RYR2: variants seen among roughly 807,000 people sequenced by gnomAD.
RYR2 encodes cardiac muscle ryanodine receptor-calcium release channel.
Under a neutral mutation model 601.1 loss-of-function variants are expected in RYR2, and 227 were observed. The observed-to-expected ratio is 0.38, with a 90% CI of 0.34 to 0.42. RYR2 has a LOEUF of 0.42. Among genes scored for constraint, RYR2 ranks in the 10% least tolerant of loss-of-function variants. RYR2 has a pLI of 1.00. For missense variants in RYR2, 4,646 were observed against 6,156.5 expected, an observed-to-expected ratio of 0.75 and a Z score of 8.21; for synonymous variants, 2,223 against 2,175.1, an observed-to-expected ratio of 1.02 and a Z score of -0.61.
intron 24 of RYR2, among the ~76,000 whole-genome samples, chr1:237,525,626 G>C (rs1572717373): frequency 6.6e-6 from 1 of 151,694 alleles, no homozygotes; most frequent in Non-Finnish European, 1.5e-5. Context: ...AATTTTTGTA[G>C]TTTTAGTAGA....
chr1:237,306,623 A>C (rs1388201384), intron 2 of RYR2, among the ~76,000 whole-genome samples: 2 of 150,736 alleles, frequency 1.3e-5, no homozygotes, highest in East Asian at 3.8e-4. Flanking sequence ...CTTTCTCCTG[A>C]TATCAGCTTT....
chr1:237,781,358 A>ATACTT (rs1174832448), intron 88 of RYR2, among the ~76,000 whole-genome samples: 2 of 152,328 alleles, frequency 1.3e-5, no homozygotes, highest in Admixed American at 1.3e-4. Flanking sequence ...CGGCCTACAA[A>ATACTT]TACTTTAAAG....
chr1:237,643,739 A>G (rs1404109531), intron 48 of RYR2, among the ~76,000 whole-genome samples: 1 of 151,846 alleles, frequency 6.6e-6, no homozygotes, highest in Non-Finnish European at 1.5e-5. Context: ...CAGCCTCCCA[A>G]GTAGCTGGGA....
At chr1:237,316,449 T>A (rs1695121536) in intron 2 of RYR2, among the ~76,000 whole-genome samples, 1 of 152,174 alleles carries the variant, frequency 6.6e-6, no homozygotes, top group Non-Finnish European at 1.5e-5. Flanking sequence ...TCCTTAAATA[T>A]CTCTGGTGAT....
intron 57 of RYR2, among the ~76,000 whole-genome samples, chr1:237,667,262 C>G (rs1010390988): frequency 1.3e-5 from 2 of 152,004 alleles, no homozygotes; most frequent in African/African-American, 4.8e-5. Context: ...TGTATTGTTC[C>G]AAGAGAAATA....
At chr1:237,279,785 CTTATT>C (rs1160580805) in intron 2 of RYR2, among the ~76,000 whole-genome samples, 2 of 152,146 alleles carry the variant, frequency 1.3e-5, no homozygotes, top group African/African-American at 4.8e-5. Context: ...AAAAGCCATT[CTTATT>C]TAATTATCTC....
At position 237,831,565 on chromosome 1, in the gene RYR2, G is replaced by A. The variant is rs1165521121; in HGVS notation, c.14808G>A (p.Gln4936=). The stretch of plus-strand genomic sequence containing the variant: ...AAGATGAAACAGAACACACAGGACA[G>A]GTAGGTAAATTATTACATGTCATCT... ...INKDETEHTG[Q]ESYVWKMYQE... The change falls in exon 104 of 105, where the codon CAG becomes CAA. Residue 4936 remains glutamine (Q), a splice_region_variant and synonymous_variant. Coordinates refer to ENST00000366574, the MANE Select transcript of RYR2 (RefSeq NM_001035.3). 6.5e-7 allele frequency: 1 copy of A among 1,540,140 alleles called. No individual in the cohort carries two copies. The highest frequency in any genetic ancestry group is 1.7e-5 in the Admixed American group (1 of 57,854).
intron 62 of RYR2, among the ~76,000 whole-genome samples, chr1:237,686,576 A>C (rs1686413569): frequency 6.6e-6 from 1 of 152,206 alleles, no homozygotes; most frequent in Non-Finnish European, 1.5e-5. Flanking sequence ...ATTTCTCAAA[A>C]TAGGGACCTG....
intron 1 of RYR2, among the ~76,000 whole-genome samples, chr1:237,222,579 A>G (rs995681485): frequency 6.6e-6 from 1 of 151,830 alleles, no homozygotes; most frequent in African/African-American, 2.4e-5. Context: ...TTTTCCCTAT[A>G]TTTTTGATAG....
chr1:237,060,049 C>A lies in RYR2; in HGVS notation c.48+17480C>A, dbSNP rs114432511. ...TCTGATGGCCAACCAGGTAAGATTT[C>A]CTTCAAAGTCTGTGTCAAATCAGTT... On this transcript the variant is annotated intron_variant, in intron 1 of 104. Coordinates refer to ENST00000366574, the MANE Select transcript of RYR2 (RefSeq NM_001035.3). Among the ~76,000 whole-genome samples, 320 of 152,222 alleles carry A rather than the reference C, an allele frequency of 2.1e-3. 1 individual carries two copies. Among genetic ancestry groups the A allele is most frequent in the African/African-American group, 7.4e-3 (309 of 41,544 alleles).
chr1:237,130,956 A>G (rs2148702515), intron 1 of RYR2, among the ~76,000 whole-genome samples: 1 of 152,300 alleles, frequency 6.6e-6, no homozygotes, highest in South Asian at 2.1e-4. Flanking sequence ...GGGCTGTCTA[A>G]GACTGAGGCT....
chr1:237,694,407 G>A (rs368592813), intron 63 of RYR2, among the ~76,000 whole-genome samples: 18 of 152,096 alleles, frequency 1.2e-4, no homozygotes, highest in East Asian at 7.7e-4. Flanking sequence ...TCAATCATGC[G>A]CAATCTGTAA....
intron 1 of RYR2, among the ~76,000 whole-genome samples, chr1:237,133,328 A>G (rs974876848): frequency 4.6e-5 from 7 of 152,154 alleles, no homozygotes; most frequent in African/African-American, 1.7e-4. Flanking sequence ...GAATGTGATA[A>G]TCTGTGTGAT....
intron 1 of RYR2, among the ~76,000 whole-genome samples, chr1:237,068,619 C>A (rs1394666267): frequency 1.3e-5 from 2 of 152,148 alleles, no homozygotes. Flanking sequence ...CTGTATTATT[C>A]TTCTCATTAC....
chr1:237,433,042 G>T (rs998634927), intron 12 of RYR2, among the ~76,000 whole-genome samples: 3 of 150,274 alleles, frequency 2.0e-5, no homozygotes, highest in East Asian at 2.0e-4. Context: ...TGTGGGGGGG[G>T]GTATCTTAAA....
At chr1:237,590,397 T>C (rs1675021653) in intron 30 of RYR2, among the ~76,000 whole-genome samples, 1 of 152,186 alleles carries the variant, frequency 6.6e-6, no homozygotes. Context: ...GTGTGGGCAA[T>C]GTCAGGCTGA....
chr1:237,612,246 A>G (rs1222339756), intron 36 of RYR2, among the ~76,000 whole-genome samples: 1 of 152,164 alleles, frequency 6.6e-6, no homozygotes, highest in African/African-American at 2.4e-5. Flanking sequence ...ATCTTTAGAA[A>G]CGAAAAGTAG....
At chr1:237,815,132 C>A (rs1484032807) in intron 100 of RYR2, among the ~76,000 whole-genome samples, 1 of 152,052 alleles carries the variant, frequency 6.6e-6, no homozygotes, top group Admixed American at 6.5e-5. Context: ...TCTTGGAAAT[C>A]AACAACTTCC....
At chr1:237,791,367 A>G (rs1028228190) in intron 92 of RYR2, 62 bp from the exon 93 acceptor site, 1 of 830,074 alleles carries the variant, frequency 1.2e-6, no homozygotes, top group Non-Finnish European at 2.0e-6. Context: ...CTTTATTTAA[A>G]TTGACTGCAG....
Sources: allele counts gnomAD v4.1 joint callset (sites outside exome capture counted in the v4.1 genomes callset), GRCh38; gene constraint gnomAD v4.1.1; transcripts MANE v1.5; gene names NCBI Gene and HGNC (gene_info 2026-07-23, HGNC 2026-07-21).